Variants in MGMT observed in about 807,000 individuals in gnomAD.
MGMT encodes O-6-methylguanine-DNA methyltransferase.
MGMT carries 14 observed loss-of-function variants against 15.9 expected under a neutral mutation model. The ratio of observed to expected loss-of-function variants is 0.88; its 90% CI spans 0.58 to 1.37. The LOEUF is 1.37. Ranked by LOEUF, MGMT falls within the 40% of genes most tolerant of loss-of-function variation. MGMT has a pLI of 0.00. For missense variants in MGMT, 282 were observed against 268.1 expected, an observed-to-expected ratio of 1.05 and a Z score of -0.36; for synonymous variants, 130 against 118.2, an observed-to-expected ratio of 1.10 and a Z score of -0.65.
chr10:129,620,200 C>T (rs1214215370), intron 2 of MGMT, among the ~76,000 whole-genome samples: 1 of 152,206 alleles, frequency 6.6e-6, no homozygotes, highest in East Asian at 1.9e-4. Context: ...CAGCATTCTA[C>T]ATGTTTTGAT....
intron 3 of MGMT, among the ~76,000 whole-genome samples, chr10:129,755,703 C>T (rs2133182509): frequency 6.6e-6 from 1 of 152,378 alleles, no homozygotes; most frequent in South Asian, 2.1e-4. Flanking sequence ...GCCCTGATCT[C>T]AGAGAGGGCC....
intron 3 of MGMT, among the ~76,000 whole-genome samples, chr10:129,716,653 A>C (rs1244332833): frequency 6.6e-6 from 1 of 152,210 alleles, no homozygotes; most frequent in Non-Finnish European, 1.5e-5. Flanking sequence ...AATATGCAAG[A>C]ACCAACAGAA....
intron 3 of MGMT, among the ~76,000 whole-genome samples, chr10:129,737,794 TC>T (rs760594484): frequency 1.3e-5 from 2 of 152,160 alleles, no homozygotes; most frequent in East Asian, 3.9e-4. Context: ...CAGCTGCAGG[TC>T]TGTTGGAGTA....
intron 2 of MGMT, among the ~76,000 whole-genome samples, chr10:129,629,791 A>T (rs1044182014): frequency 1.4e-4 from 22 of 152,224 alleles, no homozygotes; most frequent in African/African-American, 5.1e-4. Context: ...CTGATGGGAC[A>T]TAGGGAAGGT....
chr10:129,648,723 T>C (rs552858380), intron 2 of MGMT, among the ~76,000 whole-genome samples: 1 of 152,352 alleles, frequency 6.6e-6, no homozygotes, highest in East Asian at 1.9e-4. Context: ...TGTATCTGTA[T>C]TTTGAATGAT....
intron 3 of MGMT, among the ~76,000 whole-genome samples, chr10:129,731,938 C>A (rs2133163159): frequency 6.6e-6 from 1 of 152,220 alleles, no homozygotes; most frequent in African/African-American, 2.4e-5. Flanking sequence ...CCCCAGAAAA[C>A]TCTTTTGTCA....
intron 3 of MGMT, among the ~76,000 whole-genome samples, chr10:129,715,099 C>T (rs972057407): frequency 6.6e-6 from 1 of 152,180 alleles, no homozygotes; most frequent in East Asian, 1.9e-4. Context: ...GAGTCAGCCA[C>T]TTCCAAACCT....
chr10:129,628,446 C>T (rs916631512), intron 2 of MGMT, among the ~76,000 whole-genome samples: 6 of 152,164 alleles, frequency 3.9e-5, no homozygotes, highest in African/African-American at 1.4e-4. Context: ...CTGGGCAGTG[C>T]TGGTCACTGC....
At chr10:129,571,458 T>TAC (rs2133039367) in intron 2 of MGMT, among the ~76,000 whole-genome samples, 1 of 152,352 alleles carries the variant, frequency 6.6e-6, no homozygotes, top group South Asian at 2.1e-4. Flanking sequence ...ACGTTTTGTT[T>TAC]ACAACGTATG....
intron 1 of MGMT, among the ~76,000 whole-genome samples, chr10:129,481,798 C>G (rs913243030): frequency 6.6e-6 from 1 of 151,818 alleles, no homozygotes; most frequent in African/African-American, 2.4e-5. Context: ...ATTTTTATTC[C>G]TGATATTGGT....
At chr10:129,491,516 C>T (rs1845468822) in intron 1 of MGMT, among the ~76,000 whole-genome samples, 1 of 152,144 alleles carries the variant, frequency 6.6e-6, no homozygotes, top group Admixed American at 6.5e-5. Context: ...ACCCTGATCC[C>T]TTCAAATATT....
chr10:129,641,492 AC>A (rs1416655663), intron 2 of MGMT, among the ~76,000 whole-genome samples: 1 of 152,182 alleles, frequency 6.6e-6, no homozygotes, highest in Non-Finnish European at 1.5e-5. Flanking sequence ...ATTTTTGACA[AC>A]CCATCACTAG....
At chr10:129,545,650 A>G (rs1846090775) in intron 2 of MGMT, among the ~76,000 whole-genome samples, 1 of 152,146 alleles carries the variant, frequency 6.6e-6, no homozygotes, top group African/African-American at 2.4e-5. Context: ...TGCTTTTGCA[A>G]AAGCACAACC....
intron 1 of MGMT, among the ~76,000 whole-genome samples, chr10:129,493,311 G>A (rs149839645): frequency 0.02 from 3,018 of 152,184 alleles, 43 homozygotes; most frequent in Non-Finnish European, 0.027. Context: ...CCAGTGGAGC[G>A]TCTGGAGGTC....
chr10:129,623,209 T>A (rs1432649997), intron 2 of MGMT, among the ~76,000 whole-genome samples: 1 of 152,186 alleles, frequency 6.6e-6, no homozygotes, highest in Non-Finnish European at 1.5e-5. Flanking sequence ...AGTCTAGTTA[T>A]GAAGAGAAGA....
intron 2 of MGMT, 98 bp downstream of exon 2, chr10:129,536,475 G>A (rs562289687): frequency 6.9e-6 from 10 of 1,458,226 alleles, no homozygotes; most frequent in African/African-American, 5.7e-5. Flanking sequence ...GCAGGGTAAC[G>A]CATAGCCTTA....
chr10:129,519,153 G>T (rs1845776934), intron 1 of MGMT, among the ~76,000 whole-genome samples: 1 of 152,172 alleles, frequency 6.6e-6, no homozygotes, highest in African/African-American at 2.4e-5. Flanking sequence ...TCTTCGAGGG[G>T]AAAGGCCTGT....
intron 3 of MGMT, among the ~76,000 whole-genome samples, chr10:129,733,381 C>T (rs1435606281): frequency 6.6e-6 from 1 of 152,064 alleles, no homozygotes; most frequent in Non-Finnish European, 1.5e-5. Context: ...TGTTCATGTC[C>T]TTCGCCCACT....
At position 129,638,446 on chromosome 10, in the gene MGMT, G is replaced by GAAAAAAAAAAAAAAAAAAAAAAAAAA. The variant is rs1157292152; in HGVS notation, c.126-69439_126-69438insAAAAAAAAAAAAAAAAAAAAAAAAAA. On this transcript the variant is annotated intron_variant, in intron 2 of 4. Coordinates refer to ENST00000651593, the MANE Select transcript of MGMT (RefSeq NM_002412.5). ...CAAAGAGGCAAAAAAAAAAAAAAAA[G>GAAAAAAAAAAAAAAAAAAAAAAAAAA]AAAAAAAAAAGAAAAATAACTGACG... 3.7e-4 allele frequency among the ~76,000 whole-genome samples: 36 copies of GAAAAAAAAAAAAAAAAAAAAAAAAAA among 96,250 alleles called. 1 individual carries two copies. The highest frequency in any genetic ancestry group is 6.0e-4 in the Non-Finnish European group (29 of 48,678). 63.1% of individuals were successfully genotyped at this position (96,250 alleles called of 152,430 possible).
Sources: allele counts gnomAD v4.1 joint callset (sites outside exome capture counted in the v4.1 genomes callset), GRCh38; gene constraint gnomAD v4.1.1; transcripts MANE v1.5; gene names NCBI Gene and HGNC (gene_info 2026-07-23, HGNC 2026-07-21).